Variants in PLA2G4E observed in about 807,000 individuals in gnomAD.
PLA2G4E encodes the protein phospholipase A2 group IVE, also known as cytosolic phospholipase A2 epsilon.
Under a neutral mutation model 109.1 loss-of-function variants are expected in PLA2G4E, and 84 were observed. That is an observed-to-expected ratio of 0.77 (90% CI 0.65 to 0.92). PLA2G4E has a LOEUF of 0.92. Ranked by LOEUF, PLA2G4E falls within the 40% of genes least tolerant of loss-of-function variation. The probability of loss-of-function intolerance (pLI) is 0.00; values close to 1 mark genes in which losing one functional copy is unlikely to be tolerated. For missense variants in PLA2G4E, 1,057 were observed against 1,076.6 expected (o/e 0.98, Z 0.25); for synonymous variants, 469 against 436.1 (o/e 1.08, Z -0.94).
rs774426285 is a variant in PLA2G4E at position 41,984,589 on chromosome 15, C to T, written c.2233G>A (p.Val745Met). ...TATTTGGGGAAGGGGATGTTCTGCACAGTGCAGTACTCACAGGTTTGTTTC... is the reference window on the plus strand; with the variant it reads ...TATTTGGGGAAGGGGATGTTCTGCATAGTGCAGTACTCACAGGTTTGTTTC... The change falls in exon 19 of 20, where the codon GTG (valine) becomes ATG (methionine). Residue 745 changes from valine to methionine, a missense_variant. Transcript: ENST00000399518. The T allele has an allele frequency of 6.5e-5, 104 of 1,611,862 alleles. No individual in the cohort carries two copies. The highest frequency in any genetic ancestry group is 1.2e-4 in the African/African-American group (9 of 74,874).
chr15:42,048,160 A>G (rs1566854172), intron 1 of PLA2G4E, among the ~76,000 whole-genome samples: 1 of 152,214 alleles, frequency 6.6e-6, no homozygotes, highest in East Asian at 1.9e-4. Context: ...CTGTGTTACA[A>G]TTGCCTACAG....
intron 1 of PLA2G4E, among the ~76,000 whole-genome samples, chr15:42,014,842 G>A (rs1338892331): frequency 6.6e-6 from 1 of 152,150 alleles, no homozygotes; most frequent in African/African-American, 2.4e-5. Context: ...AAAAGCTCAA[G>A]TAGTCCTTGG....
At chr15:42,014,775 G>T (rs1473398631) in intron 1 of PLA2G4E, among the ~76,000 whole-genome samples, 5 of 152,124 alleles carry the variant, frequency 3.3e-5, no homozygotes, top group East Asian at 3.8e-4. Flanking sequence ...ACTGTTTCTC[G>T]CAAGAGGTCC....
intron 2 of PLA2G4E, 21 bp downstream of exon 2, chr15:42,013,664 A>G: frequency 6.5e-7 from 1 of 1,539,574 alleles, no homozygotes; most frequent in African/African-American, 1.4e-5. Flanking sequence ...AGAGAAGGAG[A>G]GAAGTGAGGT....
intron 2 of PLA2G4E, chr15:42,010,377 A>G: frequency 1.1e-5 from 3 of 278,398 alleles, no homozygotes; most frequent in South Asian, 8.4e-5. Flanking sequence ...TTAAATGTCT[A>G]GTTAAGATAA....
intron 4 of PLA2G4E, among the ~76,000 whole-genome samples, chr15:42,005,519 C>T (rs886565238): frequency 1.4e-5 from 2 of 139,708 alleles, no homozygotes; most frequent in Admixed American, 6.8e-5. Context: ...CACTCAAATG[C>T]TGGCAGAATG....
intron 13 of PLA2G4E, 114 bp downstream of exon 13, chr15:41,992,623 C>A: frequency 9.9e-7 from 1 of 1,005,126 alleles, no homozygotes; most frequent in Non-Finnish European, 1.4e-6. Flanking sequence ...AGGATACTCC[C>A]GCAGGTCTAA....
intron 1 of PLA2G4E, among the ~76,000 whole-genome samples, chr15:42,026,530 G>A (rs1427337428): frequency 6.6e-6 from 1 of 152,242 alleles, no homozygotes; most frequent in Non-Finnish European, 1.5e-5. Context: ...GAGAAAGTTG[G>A]ATAATGGCAA....
intron 12 of PLA2G4E, among the ~76,000 whole-genome samples, chr15:41,994,027 A>G (rs2068295694): frequency 6.6e-6 from 1 of 152,134 alleles, no homozygotes; most frequent in Non-Finnish European, 1.5e-5. Flanking sequence ...ACCTGCTGGA[A>G]GCAAGTTACC....
intron 1 of PLA2G4E, among the ~76,000 whole-genome samples, chr15:42,033,319 A>G (rs2724945): frequency 0.82 from 125,424 of 152,130 alleles, 52,044 homozygotes; most frequent in South Asian, 0.95. Flanking sequence ...ACAAGAATGA[A>G]TGCAAGTCTT....
At chr15:42,029,116 C>T (rs1349419422) in intron 1 of PLA2G4E, among the ~76,000 whole-genome samples, 2 of 151,960 alleles carry the variant, frequency 1.3e-5, no homozygotes, top group Non-Finnish European at 1.5e-5. Flanking sequence ...CTTTTTGAGA[C>T]AGTCTCGCTC....
chr15:42,013,825 CTT>C, intron 1 of PLA2G4E, 68 bp from the exon 2 acceptor site: 1 of 1,331,658 alleles, frequency 7.5e-7, no homozygotes. Context: ...CCGGGGGAGA[CTT>C]TCCCGCTATG....
intron 18 of PLA2G4E, 138 bp downstream of exon 18, chr15:41,985,701 G>T: frequency 9.0e-7 from 1 of 1,117,092 alleles, no homozygotes; most frequent in Non-Finnish European, 1.3e-6. Flanking sequence ...CATGACTGCT[G>T]CTTGGCTTCC....
At chr15:41,988,526 C>G (rs1285483897) in intron 15 of PLA2G4E, among the ~76,000 whole-genome samples, 2 of 152,196 alleles carry the variant, frequency 1.3e-5, no homozygotes, top group Non-Finnish European at 2.9e-5. Flanking sequence ...TCAATAAATG[C>G]AAATGCTATT....
intron 2 of PLA2G4E, among the ~76,000 whole-genome samples, chr15:42,013,302 A>G (rs573444693): frequency 1.3e-5 from 2 of 152,204 alleles, no homozygotes. Flanking sequence ...AACAGGCCCT[A>G]ACCGAAAGGA....
chr15:42,027,059 T>C (rs954043444), intron 1 of PLA2G4E, among the ~76,000 whole-genome samples: 2 of 151,594 alleles, frequency 1.3e-5, no homozygotes, highest in Middle Eastern at 3.2e-3. Context: ...AACCAGCCCA[T>C]GTGAGAGCAT....
intron 11 of PLA2G4E, among the ~76,000 whole-genome samples, chr15:41,996,261 T>C (rs1669462926): frequency 6.7e-6 from 1 of 148,760 alleles, no homozygotes. Context: ...AGTAAGAGGA[T>C]TGCTTGAGCC....
chr15:42,022,392 A>G (rs892730705), intron 1 of PLA2G4E, among the ~76,000 whole-genome samples: 1 of 152,116 alleles, frequency 6.6e-6, no homozygotes, highest in Non-Finnish European at 1.5e-5. Flanking sequence ...GGATGATACA[A>G]GTGCCTTACA....
chr15:42,030,021 G>A (rs1889085803), intron 1 of PLA2G4E, among the ~76,000 whole-genome samples: 2 of 152,178 alleles, frequency 1.3e-5, no homozygotes, highest in African/African-American at 4.8e-5. Flanking sequence ...TCAGAAGAGG[G>A]CCTGGAGGAG....
Sources: allele counts gnomAD v4.1 joint callset (sites outside exome capture counted in the v4.1 genomes callset), GRCh38; gene constraint gnomAD v4.1.1; transcripts MANE v1.5; gene names NCBI Gene and HGNC (gene_info 2026-07-23, HGNC 2026-07-21).